The following INSR variants were observed in gnomAD, a reference collection of about 807,000 sequenced individuals.
INSR encodes IR.
In INSR, 67 loss-of-function variants were observed where a neutral mutation model predicts 142.6. That is an observed-to-expected ratio of 0.47 (90% CI 0.39 to 0.58). The LOEUF (loss-of-function observed/expected upper bound fraction) is 0.58. INSR is among the 20% of genes least tolerant of loss of function. INSR has a pLI of 0.00. For missense variants in INSR, 1,248 were observed against 1,833.2 expected (o/e 0.68, Z 5.83); for synonymous variants, 756 against 743.1 (o/e 1.02, Z -0.28).
Position 7,150,483 on chromosome 19 carries a change from C to G in INSR, c.2267+14G>C. On this transcript the variant is annotated intron_variant, in intron 11 of 21. Transcript: ENST00000302850. This position sits in a 1 kb window ranked among gnomAD's most constrained non-coding sequence, Gnocchi z 4.2. The stretch of plus-strand genomic sequence containing the variant: ...CGCGGAGCAGGCACCAGGGGTCGCA[C>G]AGGTGAGTCATACCTAGGGTCCTCG... The G allele has an allele frequency of 6.2e-7, 1 of 1,613,958 alleles. No homozygotes were observed. Among genetic ancestry groups the G allele is most frequent in the East Asian group, 2.2e-5 (1 of 44,888 alleles).
chr19:7,127,293 G>A (rs187348690), intron 15 of INSR, among the ~76,000 whole-genome samples: 7 of 152,324 alleles, frequency 4.6e-5, no homozygotes, highest in Admixed American at 3.9e-4. Flanking sequence ...CGACTGATGA[G>A]AAACAATTAT....
chr19:7,118,932 A>G (rs1972409042), intron 21 of INSR, among the ~76,000 whole-genome samples: 1 of 151,108 alleles, frequency 6.6e-6, no homozygotes, highest in African/African-American at 2.4e-5. Context: ...AAAAAAAAAA[A>G]AAAAAAATTA....
At chr19:7,266,942 A>G (rs1967751644) in intron 2 of INSR, among the ~76,000 whole-genome samples, 1 of 151,990 alleles carries the variant, frequency 6.6e-6, no homozygotes. Context: ...ACAGTTTTCC[A>G]CTCCTTTTCC....
At chr19:7,178,250 G>A (rs962082710) in intron 3 of INSR, among the ~76,000 whole-genome samples, 1 of 132,426 alleles carries the variant, frequency 7.6e-6, no homozygotes, top group Non-Finnish European at 1.6e-5. Flanking sequence ...TTGTGGGGGG[G>A]GGGGTGCCTA....
At chr19:7,160,735 C>T (rs1004139832) in intron 9 of INSR, among the ~76,000 whole-genome samples, 11 of 151,826 alleles carry the variant, frequency 7.2e-5, no homozygotes, top group Middle Eastern at 3.2e-3. Flanking sequence ...CGGTGGCTCA[C>T]GCCTGTAATC....
chr19:7,119,527 C>A lies in INSR; in HGVS notation c.3716G>T (p.Gly1239Val). 6.2e-7 allele frequency: 1 copy of A among 1,614,116 alleles called. No individual in the cohort carries two copies. The highest frequency in any genetic ancestry group is 8.5e-7 in the Non-Finnish European group (1 of 1,179,960). ...TTTCAACACCTGTTCATTAGACAGG[C>A]CTTGGTAAGGCTGTTCTGCCAAGCT... ...ITSLAEQPYQ[G>V]LSNEQVLKFV... The change falls in exon 21 of 22, where the codon GGC becomes GTC. Residue 1239 changes from glycine (G) to valine (V), a missense_variant. Gly to Val is a moderately radical substitution (Grantham distance 109). This residue lies in a region of INSR where 1,069 missense variants were observed against 1,654.0 expected (regional missense o/e 0.65). Transcript: ENST00000302850. This position sits in a 1 kb window ranked among gnomAD's most constrained non-coding sequence, Gnocchi z 5.2.
intron 11 of INSR, among the ~76,000 whole-genome samples, chr19:7,143,463 C>T (rs1359683481): frequency 6.6e-6 from 1 of 152,236 alleles, no homozygotes; most frequent in Non-Finnish European, 1.5e-5. Flanking sequence ...AAGAGTCTAG[C>T]TTTTCAGGAA....
At chr19:7,134,186 AT>A (rs1432094676) in intron 13 of INSR, among the ~76,000 whole-genome samples, 9 of 152,196 alleles carry the variant, frequency 5.9e-5, no homozygotes, top group African/African-American at 2.2e-4. Context: ...CTCAAAAAAA[AT>A]AAATAAATAA....
chr19:7,235,481 A>G (rs1375235789), intron 2 of INSR, among the ~76,000 whole-genome samples: 4 of 152,214 alleles, frequency 2.6e-5, no homozygotes, highest in Non-Finnish European at 4.4e-5. Flanking sequence ...AGATTTTCAA[A>G]GCCACAGTGT....
intron 2 of INSR, among the ~76,000 whole-genome samples, chr19:7,255,686 T>C: frequency 6.6e-6 from 1 of 151,880 alleles, no homozygotes; most frequent in East Asian, 1.9e-4. Flanking sequence ...CAAGCGATCC[T>C]CCCACCTCAG....
chr19:7,167,975 TG>T lies in INSR; in HGVS notation c.1602del (p.Tyr534Ter). The part of the protein sequence containing the change: ...FRDLLGFMLF[Y>X]KEAPYQNVTE... Reference sequence around the variant, plus strand: ...TCTAACTCTTCTACTTACGCCTCTTTGTAGAACAGCATGAACCCCAAGAGGT... The same window carrying T: ...TCTAACTCTTCTACTTACGCCTCTTTTAGAACAGCATGAACCCCAAGAGGT... On this transcript the variant is annotated frameshift_variant, in exon 7 of 22. Coordinates refer to ENST00000302850, the MANE Select transcript of INSR (RefSeq NM_000208.4). LOFTEE classifies it high-confidence loss of function. The T allele has an allele frequency of 6.2e-7, 1 of 1,613,972 alleles. No homozygotes were observed. The highest frequency in any genetic ancestry group is 8.5e-7 in the Non-Finnish European group (1 of 1,179,968).
intron 2 of INSR, 59 bp from the exon 3 acceptor site, chr19:7,184,696 AAATAAAT>A (rs1187070505): frequency 6.0e-6 from 7 of 1,171,364 alleles, no homozygotes; most frequent in Non-Finnish European, 4.5e-6. Flanking sequence ...ATAAATAAAT[AAATAAAT>A]AAATGGCTTT....
At chr19:7,208,676 C>T (rs1975185455) in intron 2 of INSR, among the ~76,000 whole-genome samples, 1 of 151,846 alleles carries the variant, frequency 6.6e-6, no homozygotes, top group South Asian at 2.1e-4. Context: ...TCGAGACCAG[C>T]TTAGATAACA....
intron 13 of INSR, among the ~76,000 whole-genome samples, chr19:7,140,640 C>G (rs536097845): frequency 4.6e-5 from 7 of 152,204 alleles, no homozygotes; most frequent in African/African-American, 1.4e-4. Flanking sequence ...TCCTCAGTCC[C>G]AAGAGGTATA....
At position 7,225,849 on chromosome 19, in the gene INSR, C is replaced by T. The variant is rs1249983640; in HGVS notation, c.653-41212G>A. 5.9e-5 allele frequency among the ~76,000 whole-genome samples: 9 copies of T among 152,194 alleles called. No homozygotes were observed. Among genetic ancestry groups the T allele is most frequent in the Non-Finnish European group, 1.3e-4 (9 of 68,040 alleles). On this transcript the variant is annotated intron_variant, in intron 2 of 21. Transcript: ENST00000302850. The surrounding 1 kb of genome is among the most constrained non-coding windows in gnomAD (Gnocchi z 4.7). ...GGAGACATTTGTGTTTGCCATGCCTCGGGGGCGGCGCTCCAGGCATGGAAT... is the reference window on the plus strand; with the variant it reads ...GGAGACATTTGTGTTTGCCATGCCTTGGGGGCGGCGCTCCAGGCATGGAAT...
At chr19:7,160,717 G>C (rs936169450) in intron 9 of INSR, among the ~76,000 whole-genome samples, 1 of 151,974 alleles carries the variant, frequency 6.6e-6, no homozygotes, top group African/African-American at 2.4e-5. Context: ...ATAATTTTAG[G>C]CTGGGCGCGG....
chr19:7,192,282 GAAAAGA>G lies in INSR; in HGVS notation c.653-7651_653-7646del, dbSNP rs1259855353. ...GAAAAGAAAAGAAAAGAAAAGAAAA[GAAAAGA>G]AAAGAAAAGAAAAGAAAAGAAAAAA... On this transcript the variant is annotated intron_variant, in intron 2 of 21. Transcript: ENST00000302850. The surrounding 1 kb of genome is among the most constrained non-coding windows in gnomAD (Gnocchi z 4.2). Among the ~76,000 whole-genome samples the G allele has an allele frequency of 6.8e-6, 1 of 146,276 alleles. No homozygotes were observed. The highest frequency in any genetic ancestry group is 2.6e-5 in the African/African-American group (1 of 38,418).
At chr19:7,233,028 C>T (rs149283146) in intron 2 of INSR, among the ~76,000 whole-genome samples, 1,531 of 152,188 alleles carry the variant, frequency 0.01, 34 homozygotes, top group African/African-American at 0.035. Context: ...CTCTGTCACC[C>T]AGGCTAAAGT....
chr19:7,290,720 C>T (rs1485860713), intron 1 of INSR, among the ~76,000 whole-genome samples: 1 of 147,196 alleles, frequency 6.8e-6, no homozygotes, highest in African/African-American at 2.5e-5. Context: ...TCGCAAAGAT[C>T]GTGTCACTGC....
Sources: allele counts gnomAD v4.1 joint callset (sites outside exome capture counted in the v4.1 genomes callset), GRCh38; gene constraint gnomAD v4.1.1; regional missense constraint gnomAD v4.1.1; non-coding constraint Gnocchi (gnomAD v3.1); transcripts MANE v1.5; gene names NCBI Gene and HGNC (gene_info 2026-07-23, HGNC 2026-07-21).